The following SLC6A3 variants were observed in gnomAD, a reference collection of about 807,000 sequenced individuals.
SLC6A3 encodes solute carrier family 6 member 3, also known as sodium-dependent dopamine transporter.
A neutral mutation model predicts 70.4 loss-of-function variants in SLC6A3; 19 were observed. The observed-to-expected ratio is 0.27, with a 90% CI of 0.19 to 0.40. SLC6A3 has a LOEUF of 0.40. SLC6A3 is among the 10% of genes least tolerant of loss of function. The pLI is 1.00. For synonymous variants in SLC6A3, 368 were observed against 356.6 expected (o/e 1.03, Z -0.36); for missense variants, 613 against 838.5 (o/e 0.73, Z 3.32).
intron 4 of SLC6A3, among the ~76,000 whole-genome samples, chr5:1,424,857 G>A (rs971329870): frequency 1.3e-5 from 2 of 152,180 alleles, no homozygotes; most frequent in African/African-American, 2.4e-5. Context: ...TTAGAGAACC[G>A]GACACTCCTG....
intron 6 of SLC6A3, among the ~76,000 whole-genome samples, chr5:1,416,994 C>T (rs528166157): frequency 1.8e-4 from 27 of 152,094 alleles, no homozygotes; most frequent in African/African-American, 6.5e-4. Context: ...GCCCTGATAA[C>T]CCTCAGAACA....
Position 1,402,546 on chromosome 5 carries a change from A to G in SLC6A3, c.1767+376T>C, listed in dbSNP as rs1755873793. Among the ~76,000 whole-genome samples the G allele has an allele frequency of 6.6e-6, 1 of 152,040 alleles. No homozygotes were observed. Among genetic ancestry groups the G allele is most frequent in the Non-Finnish European group, 1.5e-5 (1 of 68,030 alleles). Reference sequence around the variant, plus strand: ...ATGCATGCACTCAGTACACACAAACACTTGGACACGAATGTGAGCACAGAC... The same window carrying G: ...ATGCATGCACTCAGTACACACAAACGCTTGGACACGAATGTGAGCACAGAC... On this transcript the variant is annotated intron_variant, in intron 13 of 14. Transcript: ENST00000270349. The surrounding 1 kb of genome is among the most constrained non-coding windows in gnomAD (Gnocchi z 8.5).
rs1404569516 is a variant in SLC6A3 at position 1,401,939 on chromosome 5, C to G, written c.1768-953G>C. 6.6e-6 allele frequency among the ~76,000 whole-genome samples: 1 copy of G among 152,228 alleles called. No homozygotes were observed. Among genetic ancestry groups the G allele is most frequent in the Non-Finnish European group, 1.5e-5 (1 of 68,040 alleles). On this transcript the variant is annotated intron_variant, in intron 13 of 14. Coordinates refer to ENST00000270349, the MANE Select transcript of SLC6A3 (RefSeq NM_001044.5). The surrounding 1 kb of genome is among the most constrained non-coding windows in gnomAD (Gnocchi z 6.1). ...TCCTGGGGCCATGGCAGCCCCAGAG[C>G]TCCTCCCACTCCACAGAAGCCCCCA...
At position 1,409,715 on chromosome 5, in the gene SLC6A3, A is replaced by G; in HGVS notation, c.1398+6T>C. The G allele has an allele frequency of 6.2e-7, 1 of 1,612,716 alleles. No individual in the cohort carries two copies. The stretch of plus-strand genomic sequence containing the variant: ...AGGAGAAGGCGAAGCCGGCGATGGT[A>G]CGTACGTTGGTGACGCAGAACAGGG... On this transcript the variant is annotated splice_donor_region_variant and intron_variant, in intron 10 of 14. Coordinates refer to ENST00000270349, the MANE Select transcript of SLC6A3 (RefSeq NM_001044.5).
In SLC6A3 at chr5:1,400,958, T is replaced by G; in HGVS notation, c.1796A>C (p.Lys599Thr). ...EKLAYAIAPE[K>T]DRELVDRGEV... ...CCCTCTGTCCACCAGCTCACGGTCC[T>G]TCTCGGGTGCAATGGCGTAGGCCAG... Residue 599 changes from lysine to threonine, a missense_variant, in exon 14 of 15, where the codon AAG becomes ACG. Physicochemically the swap from Lys to Thr is moderately conservative, Grantham distance 78. This residue lies in a region of SLC6A3 where 348 missense variants were observed against 481.2 expected (regional missense o/e 0.72). Coordinates refer to ENST00000270349, the MANE Select transcript of SLC6A3 (RefSeq NM_001044.5). 6.3e-7 allele frequency: 1 copy of G among 1,597,590 alleles called. No homozygotes were observed. The highest frequency in any genetic ancestry group is 1.1e-5 in the South Asian group (1 of 88,740).
Position 1,406,132 on chromosome 5 carries a change from C to T in SLC6A3, c.1599+56G>A, listed in dbSNP as rs1755973277. ...CGGGCGCTGGACCTCGGGGCAGGTG[C>T]CAGAGTGGGGGCAGTGGGCAGACGG... On this transcript the variant is annotated intron_variant, in intron 12 of 14. Transcript: ENST00000270349. This position sits in a 1 kb window ranked among gnomAD's most constrained non-coding sequence, Gnocchi z 8.8. 3 of 1,318,418 alleles carry T rather than the reference C, an allele frequency of 2.3e-6. No individual in the cohort carries two copies. The highest frequency in any genetic ancestry group is 3.3e-6 in the Non-Finnish European group (3 of 911,232). 81.7% of individuals were successfully genotyped at this position (1,318,418 alleles called of 1,614,324 possible).
At position 1,426,430 on chromosome 5, in the gene SLC6A3, C is replaced by G. The variant is rs376990931; in HGVS notation, c.654-4416G>C. ...TGTCACATACCTGTAGTCCCAGCTACTTGGGAGTCTGAGGCAGGAGGATTG... is the reference window on the plus strand; with the variant it reads ...TGTCACATACCTGTAGTCCCAGCTAGTTGGGAGTCTGAGGCAGGAGGATTG... On this transcript the variant is annotated intron_variant, in intron 4 of 14. Coordinates refer to ENST00000270349, the MANE Select transcript of SLC6A3 (RefSeq NM_001044.5). 4.3e-3 allele frequency among the ~76,000 whole-genome samples: 653 copies of G among 152,190 alleles called. 9 individuals carry two copies. The highest frequency in any genetic ancestry group is 0.015 in the African/African-American group (616 of 41,510).
chr5:1,423,627 G>T (rs1364123749), intron 4 of SLC6A3, among the ~76,000 whole-genome samples: 6 of 152,234 alleles, frequency 3.9e-5, no homozygotes, highest in Non-Finnish European at 7.3e-5. Context: ...GAGGGTGAGG[G>T]ATGGAGCTGA....
intron 1 of SLC6A3, among the ~76,000 whole-genome samples, chr5:1,444,395 TAC>T (rs1560929872): frequency 6.6e-6 from 1 of 150,636 alleles, no homozygotes; most frequent in Admixed American, 6.6e-5. Flanking sequence ...CAAACACACA[TAC>T]ACACTCACAC....
chr5:1,414,657 C>T (rs368381215), intron 8 of SLC6A3, 34 bp downstream of exon 8: 27 of 1,609,630 alleles, frequency 1.7e-5, no homozygotes, highest in South Asian at 3.3e-5. Flanking sequence ...TGGTGCTACA[C>T]GGAGCAGGCC....
Position 1,408,448 on chromosome 5 carries a change from C to A in SLC6A3, c.1498+578G>T, listed in dbSNP as rs1358810488. On this transcript the variant is annotated intron_variant, in intron 11 of 14. Coordinates refer to ENST00000270349, the MANE Select transcript of SLC6A3 (RefSeq NM_001044.5). The surrounding 1 kb of genome is among the most constrained non-coding windows in gnomAD (Gnocchi z 6.4). ...CCTGCCCATTTTACAGAAGAGAGAA[C>A]TAAGGGGAGTCGAGGTGACTTGGCC... 2.0e-5 allele frequency among the ~76,000 whole-genome samples: 3 copies of A among 152,004 alleles called. No homozygotes were observed. Among genetic ancestry groups the A allele is most frequent in the Non-Finnish European group, 4.4e-5 (3 of 68,000 alleles).
chr5:1,438,045 A>C lies in SLC6A3; in HGVS notation c.418+3314T>G, dbSNP rs191449500. Among the ~76,000 whole-genome samples, 76 of 152,360 alleles carry C rather than the reference A, an allele frequency of 5.0e-4. No individual in the cohort carries two copies. The highest frequency in any genetic ancestry group is 1.7e-3 in the African/African-American group (70 of 41,586). ...GGCATCCTGCGCTTGACAGGTAGGC[A>C]GAACAAACGGGACGCTGGCACCGGA... On this transcript the variant is annotated intron_variant, in intron 3 of 14. Transcript: ENST00000270349. The surrounding 1 kb of genome is among the most constrained non-coding windows in gnomAD (Gnocchi z 6.5).
Position 1,394,754 on chromosome 5 carries a change from C to A in SLC6A3, c.1844G>T (p.Arg615Leu). 6.2e-7 allele frequency: 1 copy of A among 1,614,122 alleles called. No individual in the cohort carries two copies. Among genetic ancestry groups the A allele is most frequent in the Non-Finnish European group, 8.5e-7 (1 of 1,180,006 alleles). Residue 615 changes from arginine (R) to leucine (L), a missense_variant, in exon 15 of 15, where the codon CGC becomes CTC. Arg to Leu is a moderately radical substitution (Grantham distance 102, BLOSUM62 -2). Transcript: ENST00000270349. This position sits in a 1 kb window ranked among gnomAD's most constrained non-coding sequence, Gnocchi z 4.7. The part of the protein sequence containing the change: ...DRGEVRQFTL[R>L]HWLKV ...CTCCCTCTACACCTTGAGCCAGTGG[C>A]GGAGCTGGAAAGAAAACAGGTTTAG...
rs1209911463 is a variant in SLC6A3, at chr5:1,411,388, C to A, written c.1157-33G>T. ...AGAACCCGCCCTGCTTGCCACAGAG[C>A]CCACGCTGTGCTCTCCCGCCCATCC... On this transcript the variant is annotated intron_variant, in intron 8 of 14. Coordinates refer to ENST00000270349, the MANE Select transcript of SLC6A3 (RefSeq NM_001044.5). This position sits in a 1 kb window ranked among gnomAD's most constrained non-coding sequence, Gnocchi z 6.5. The A allele has an allele frequency of 1.4e-6, 2 of 1,477,874 alleles. No individual in the cohort carries two copies. Among genetic ancestry groups the A allele is most frequent in the East Asian group, 2.5e-5 (1 of 40,608 alleles). 91.5% of individuals were successfully genotyped at this position (1,477,874 alleles called of 1,614,324 possible).
chr5:1,404,042 G>A lies in SLC6A3; in HGVS notation c.1600-953C>T, dbSNP rs1050646650. ...TGAAGCTCTGATAGATATGGTTTAT[G>A]ATGTAGCTTAAAATGCAATTTTTTC... On this transcript the variant is annotated intron_variant, in intron 12 of 14. Transcript: ENST00000270349. The surrounding 1 kb of genome is among the most constrained non-coding windows in gnomAD (Gnocchi z 5.2). 3.9e-5 allele frequency among the ~76,000 whole-genome samples: 6 copies of A among 152,262 alleles called. No homozygotes were observed. The highest frequency in any genetic ancestry group is 5.9e-5 in the Non-Finnish European group (4 of 68,048).
rs1180200512 is a variant in SLC6A3, at chr5:1,436,433, T to A, written c.419-3735A>T. ...AGGAGGTGGCAGGCAAAGTCCCTGC[T>A]CGCGTTTCCAGGGAAAACATTCATG... On this transcript the variant is annotated intron_variant, in intron 3 of 14. Coordinates refer to ENST00000270349, the MANE Select transcript of SLC6A3 (RefSeq NM_001044.5). This position sits in a 1 kb window ranked among gnomAD's most constrained non-coding sequence, Gnocchi z 5.2. 1.3e-5 allele frequency among the ~76,000 whole-genome samples: 2 copies of A among 152,188 alleles called. No individual in the cohort carries two copies. The highest frequency in any genetic ancestry group is 2.9e-5 in the Non-Finnish European group (2 of 68,034).
Position 1,443,023 on chromosome 5 carries a change from C to A in SLC6A3, c.175G>T (p.Asp59Tyr). The A allele has an allele frequency of 6.2e-7, 1 of 1,614,250 alleles. No homozygotes were observed. The highest frequency in any genetic ancestry group is 1.1e-5 in the South Asian group (1 of 91,086). The change falls in exon 2 of 15, where the codon GAT becomes TAT. Residue 59 changes from aspartate to tyrosine, a missense_variant. Asp to Tyr is a radical substitution (Grantham distance 160). Coordinates refer to ENST00000270349, the MANE Select transcript of SLC6A3 (RefSeq NM_001044.5). ...ATCTTCTTGCCCCAGGTCTCCCGAT[C>A]CTGGGCCTCCACGGGGCTCTGCCGC... Reference protein sequence around the residue: ...NPRQSPVEAQDRETWGKKIDF... With the variant: ...NPRQSPVEAQYRETWGKKIDF...
intron 12 of SLC6A3, among the ~76,000 whole-genome samples, chr5:1,403,603 C>G (rs927885855): frequency 3.3e-5 from 5 of 151,756 alleles, no homozygotes; most frequent in Admixed American, 2.0e-4. Flanking sequence ...CTTGAAATCA[C>G]AACAAAAACA....
At position 1,443,072 on chromosome 5, in the gene SLC6A3, G is replaced by A. The variant is rs1304294478; in HGVS notation, c.126C>T (p.Leu42=). Residue 42 remains leucine (L), a synonymous_variant, in exon 2 of 15, where the codon CTC becomes CTT. Coordinates refer to ENST00000270349, the MANE Select transcript of SLC6A3 (RefSeq NM_001044.5). ...GCGGGTTGGTGAGGGTGGAGCTGGT[G>A]AGCTGCACTCCGTTCTGCTCCTTGA... is the stretch of plus-strand genomic sequence containing the variant. The part of the protein sequence containing the change: ...ILVKEQNGVQ[L]TSSTLTNPRQ... 2 of 1,614,148 alleles carry A rather than the reference G, an allele frequency of 1.2e-6. No homozygotes were observed. The highest frequency in any genetic ancestry group is 1.7e-6 in the Non-Finnish European group (2 of 1,179,958).
Sources: allele counts gnomAD v4.1 joint callset (sites outside exome capture counted in the v4.1 genomes callset), GRCh38; gene constraint gnomAD v4.1.1; regional missense constraint gnomAD v4.1.1; non-coding constraint Gnocchi (gnomAD v3.1); transcripts MANE v1.5; gene names NCBI Gene and HGNC (gene_info 2026-07-23, HGNC 2026-07-21).